PADI1: variants seen among roughly 807,000 people sequenced by gnomAD.
PADI1 encodes peptidyl arginine deiminase 1, also known as protein-arginine deiminase type-1.
In PADI1, 65 loss-of-function variants were observed where a neutral mutation model predicts 74.8. That is an observed-to-expected ratio of 0.87 (90% CI 0.71 to 1.07). PADI1 has a LOEUF of 1.07. Ranked by LOEUF, PADI1 falls within the 50% of genes least tolerant of loss-of-function variation. The pLI, the probability that PADI1 is intolerant of heterozygous loss-of-function variation, is 0.00. For missense variants in PADI1, 943 were observed against 854.0 expected (o/e 1.10, Z -1.30); for synonymous variants, 371 against 336.2 (o/e 1.10, Z -1.13).
chr1:17,231,980 C>G (rs1460610229), intron 10 of PADI1, among the ~76,000 whole-genome samples: 1 of 152,044 alleles, frequency 6.6e-6, no homozygotes, highest in Admixed American at 6.6e-5. Context: ...ACACTGTTGC[C>G]TGGGCTGGAG....
intron 1 of PADI1, among the ~76,000 whole-genome samples, chr1:17,213,004 G>C (rs1334629495): frequency 6.6e-6 from 1 of 152,178 alleles, no homozygotes; most frequent in Admixed American, 6.5e-5. Context: ...ACACATTCCT[G>C]TTTCCTTCCG....
At chr1:17,215,910 T>C (rs1261635961) in intron 1 of PADI1, among the ~76,000 whole-genome samples, 1 of 152,322 alleles carries the variant, frequency 6.6e-6, no homozygotes, top group East Asian at 1.9e-4. Context: ...TGCCATGGGC[T>C]GGAATGAAGC....
intron 1 of PADI1, among the ~76,000 whole-genome samples, chr1:17,218,611 T>C (rs994725272): frequency 6.6e-6 from 1 of 152,148 alleles, no homozygotes; most frequent in African/African-American, 2.4e-5. Flanking sequence ...TGGAGTTTCC[T>C]TGGTGTGGTG....
chr1:17,214,861 G>A (rs2071931998), intron 1 of PADI1, among the ~76,000 whole-genome samples: 1 of 152,212 alleles, frequency 6.6e-6, no homozygotes, highest in South Asian at 2.1e-4. Context: ...GGATGCCAAG[G>A]GAATGAGAAT....
chr1:17,231,354 C>T (rs2072486624), intron 10 of PADI1, among the ~76,000 whole-genome samples: 1 of 152,200 alleles, frequency 6.6e-6, no homozygotes, highest in Admixed American at 6.5e-5. Flanking sequence ...ACTAGGGGGG[C>T]TGTCCCCACA....
Position 17,229,053 on chromosome 1 carries a change from T to A in PADI1, c.929+2T>A. ...TCCTGAGGAGCTGTATGTGTGCAGG[T>A]GAGGCTCCCTCCCTCCAGCCCTCCC... is the stretch of plus-strand genomic sequence containing the variant. On this transcript the variant is annotated splice_donor_variant, in intron 8 of 15. Coordinates refer to ENST00000375471, the MANE Select transcript of PADI1 (RefSeq NM_013358.3). LOFTEE classifies it high-confidence loss of function. The A allele has an allele frequency of 2.6e-6, 4 of 1,541,766 alleles. No individual in the cohort carries two copies. The highest frequency in any genetic ancestry group is 3.5e-6 in the Non-Finnish European group (4 of 1,135,054).
chr1:17,211,566 A>C (rs1311391941), intron 1 of PADI1, among the ~76,000 whole-genome samples: 2 of 152,176 alleles, frequency 1.3e-5, no homozygotes, highest in Non-Finnish European at 2.9e-5. Flanking sequence ...GGAGACACAG[A>C]GAGGTTAAGA....
At chr1:17,240,522 C>G in intron 14 of PADI1, 113 bp from the exon 15 acceptor site, 1 of 1,190,208 alleles carries the variant, frequency 8.4e-7, no homozygotes, top group Non-Finnish European at 1.2e-6. Context: ...TGTTGTGAGG[C>G]TTGAAGGAGC....
At position 17,232,362 on chromosome 1, in the gene PADI1, C is replaced by A. The variant is rs111283094; in HGVS notation, c.1162-457C>A. On this transcript the variant is annotated intron_variant, in intron 10 of 15. Transcript: ENST00000375471. The stretch of plus-strand genomic sequence containing the variant: ...CTCAAGCCATCCTCCCACTTCACCC[C>A]CTGAGGAGCTGGGAGCACAGGCTTG... Among the ~76,000 whole-genome samples the A allele has an allele frequency of 6.5e-3, 989 of 152,266 alleles. 8 individuals are homozygous for A. Among genetic ancestry groups the A allele is most frequent in the African/African-American group, 0.022 (925 of 41,550 alleles).
chr1:17,207,180 C>T (rs1247765076), intron 1 of PADI1, among the ~76,000 whole-genome samples: 1 of 152,196 alleles, frequency 6.6e-6, no homozygotes, highest in African/African-American at 2.4e-5. Context: ...AAACATTTCA[C>T]GGGGAGCCGG....
intron 12 of PADI1, among the ~76,000 whole-genome samples, chr1:17,238,330 C>A (rs569560148): frequency 6.6e-6 from 1 of 152,320 alleles, no homozygotes; most frequent in African/African-American, 2.4e-5. Context: ...GCGTGAGCCA[C>A]GACACCCAGC....
rs1557479110 is a variant in PADI1 at position 17,235,293 on chromosome 1, G to GGAAGGAAGGAGGGAAGAAAGGAAGGAA, written c.1314-2020_1314-2019insAAGGAAGGAGGGAAGAAAGGAAGGAAG. On this transcript the variant is annotated intron_variant, in intron 11 of 15. Coordinates refer to ENST00000375471, the MANE Select transcript of PADI1 (RefSeq NM_013358.3). ...AAGGAAGGAAGGAAGGAAGGAAGGA[G>GGAAGGAAGGAGGGAAGAAAGGAAGGAA]GGAAGGAAGGAAGGAGGCAAAGTAG... Among the ~76,000 whole-genome samples the GGAAGGAAGGAGGGAAGAAAGGAAGGAA allele has an allele frequency of 2.4e-4, 15 of 62,816 alleles. 1 individual carries two copies. The highest frequency in any genetic ancestry group is 8.9e-4 in the African/African-American group (15 of 16,808). 41.2% of individuals were successfully genotyped at this position (62,816 alleles called of 152,430 possible). A position where few individuals can be genotyped will look rare whatever the true frequency, so the allele number is the denominator to read the frequency against.
chr1:17,240,694 C>T lies in PADI1; in HGVS notation c.1692C>T (p.Asp564=). ...GGGAGCTGGGCCTGGCAGAGAGTGA[C>T]ATCGTGGACATTCCCCAGCTCTTCT... The part of the protein sequence containing the change: ...LKRELGLAES[D]IVDIPQLFFL... Residue 564 remains aspartate (D), a synonymous_variant, in exon 15 of 16, where the codon GAC becomes GAT. Coordinates refer to ENST00000375471, the MANE Select transcript of PADI1 (RefSeq NM_013358.3). The T allele has an allele frequency of 6.2e-7, 1 of 1,614,152 alleles. No homozygotes were observed. The highest frequency in any genetic ancestry group is 8.5e-7 in the Non-Finnish European group (1 of 1,179,994).
intron 8 of PADI1, 24 bp from the exon 9 acceptor site, chr1:17,230,061 C>T (rs2072442013): frequency 6.2e-7 from 1 of 1,606,028 alleles, no homozygotes; most frequent in Middle Eastern, 1.7e-4. Flanking sequence ...CATTAGCATG[C>T]TCCCCTCTCC....
rs539419906 is a variant in PADI1 at position 17,242,168 on chromosome 1, G to A, written c.1758+1408G>A. ...ACAGTGCCTCGCAGGATGCTTAGCGGCCTCCCTGGTCTCTACCCACTAGAT... is the reference window on the plus strand; with the variant it reads ...ACAGTGCCTCGCAGGATGCTTAGCGACCTCCCTGGTCTCTACCCACTAGAT... On this transcript the variant is annotated intron_variant, in intron 15 of 15. Coordinates refer to ENST00000375471, the MANE Select transcript of PADI1 (RefSeq NM_013358.3). 6.6e-4 allele frequency among the ~76,000 whole-genome samples: 100 copies of A among 152,258 alleles called. 1 individual carries two copies. The highest frequency in any genetic ancestry group is 2.3e-3 in the African/African-American group (97 of 41,556).
At position 17,224,394 on chromosome 1, in the gene PADI1, G is replaced by A. The variant is rs142964003; in HGVS notation, c.374G>A (p.Arg125His). 2.2e-4 allele frequency: 357 copies of A among 1,613,802 alleles called. 2 individuals are homozygous for A. In the African/African-American group the frequency reaches 2.4e-3, roughly 11 times the overall value. Reference protein sequence around the residue: ...VDISLEVDTGRTGKVKRSQGD... With the variant: ...VDISLEVDTGHTGKVKRSQGD... ...ATTTCCCTTGAGGTTGACACAGGCC[G>A]CACAGGCAAGGTGAAGAGGAGCCAA... Residue 125 changes from arginine to histidine, a missense_variant, in exon 4 of 16, where the codon CGC becomes CAC. By Grantham distance (29) the Arg-to-His change is conservative. Transcript: ENST00000375471.
At chr1:17,223,442 T>A in intron 2 of PADI1, 179 bp from the exon 3 acceptor site, 1 of 594,608 alleles carries the variant, frequency 1.7e-6, no homozygotes, top group Non-Finnish European at 3.0e-6. Context: ...AGCCACTTGC[T>A]GGAGAAGGTA....
Position 17,232,951 on chromosome 1 carries a change from A to G in PADI1, c.1294A>G (p.Ile432Val), listed in dbSNP as rs1341813618. Residue 432 changes from isoleucine (I) to valine (V), a missense_variant, in exon 11 of 16, where the codon ATC becomes GTC. Coordinates refer to ENST00000375471, the MANE Select transcript of PADI1 (RefSeq NM_013358.3). ...GGAATACCCCCTGGGCCGGATCCTC[A>G]TCGGGAGCAGCTTCCCCAAGTGAGG... Reference protein sequence around the residue: ...GTEYPLGRILIGSSFPKSGGR... With the variant: ...GTEYPLGRILVGSSFPKSGGR... 3 of 1,608,084 alleles carry G rather than the reference A, an allele frequency of 1.9e-6. No homozygotes were observed. Among genetic ancestry groups the G allele is most frequent in the Non-Finnish European group, 2.5e-6 (3 of 1,178,384 alleles).
intron 11 of PADI1, among the ~76,000 whole-genome samples, chr1:17,235,145 A>AAGGG (rs1364994944): frequency 5.8e-5 from 8 of 138,556 alleles, no homozygotes; most frequent in South Asian, 2.7e-4. Flanking sequence ...GGAAAGAAGG[A>AAGGG]AGGGAGGGAG....
Sources: gnomAD v4.1 joint callset for allele counts (sites outside exome capture counted in the v4.1 genomes callset) on GRCh38, gnomAD v4.1.1 for gene constraint, MANE v1.5 for transcripts, NCBI Gene and HGNC (gene_info 2026-07-23, HGNC 2026-07-21) for gene names.